VLDLR: variants seen among roughly 807,000 people sequenced by gnomAD.
VLDLR encodes the protein very low-density lipoprotein receptor.
VLDLR carries 81 observed loss-of-function variants against 112.7 expected under a neutral mutation model. The ratio of observed to expected loss-of-function variants is 0.72; its 90% CI spans 0.60 to 0.86. The LOEUF is 0.86. VLDLR is among the 40% of genes least tolerant of loss of function. The pLI is 0.00. For missense variants in VLDLR, 1,237 were observed against 1,099.4 expected, an observed-to-expected ratio of 1.13 and a Z score of -1.77; for synonymous variants, 436 against 384.8, an observed-to-expected ratio of 1.13 and a Z score of -1.56.
At chr9:2,624,044 C>T (rs879735345) in intron 1 of VLDLR, among the ~76,000 whole-genome samples, 1 of 152,116 alleles carries the variant, frequency 6.6e-6, no homozygotes, top group Non-Finnish European at 1.5e-5. Flanking sequence ...TTCGTTTTTG[C>T]TGCATGTCCC....
At chr9:2,646,922 A>AAATTGTGAGGATTTGGGT (rs1182331075) in intron 11 of VLDLR, among the ~76,000 whole-genome samples, 20 of 152,210 alleles carry the variant, frequency 1.3e-4, no homozygotes, top group Admixed American at 5.9e-4. Context: ...GATCAAACCT[A>AAATTGTGAGGATTTGGGT]AACGACAGCC....
intron 2 of VLDLR, among the ~76,000 whole-genome samples, chr9:2,637,622 C>T (rs879404483): frequency 1.2e-4 from 17 of 143,016 alleles, no homozygotes; most frequent in Non-Finnish European, 6.2e-5. Context: ...CAATCTTTCA[C>T]ATCCTCCTTA....
At chr9:2,627,312 A>T (rs1455782982) in intron 1 of VLDLR, among the ~76,000 whole-genome samples, 2 of 152,380 alleles carry the variant, frequency 1.3e-5, no homozygotes, top group East Asian at 1.9e-4. Context: ...AAATAATTCT[A>T]TGTCTGCAGA....
At chr9:2,647,655 C>G in intron 12 of VLDLR, 63 bp downstream of exon 12, 3 of 1,423,926 alleles carry the variant, frequency 2.1e-6, no homozygotes, top group Non-Finnish European at 3.0e-6. Flanking sequence ...CCATTTATCT[C>G]CATGGTGAAT....
At chr9:2,644,539 AC>A in intron 7 of VLDLR, among the ~76,000 whole-genome samples, 194 bp from the exon 8 acceptor site, 1 of 151,996 alleles carries the variant, frequency 6.6e-6, no homozygotes, top group South Asian at 2.1e-4. Context: ...TAAATGCTTG[AC>A]CAGCTGGTAA....
Position 2,645,641 on chromosome 9 carries a change from A to C in VLDLR, c.1380A>C (p.Glu460Asp), listed in dbSNP as rs772954473. 1.9e-6 allele frequency: 3 copies of C among 1,614,094 alleles called. No individual in the cohort carries two copies. The highest frequency in any genetic ancestry group is 3.3e-5 in the Admixed American group (2 of 60,010). ...GGAAGATTGGCTTAGAGAGGAAAGA[A>C]TATATCCAACTAGTTGAACAGCTAA... ...DIRKIGLERKEYIQLVEQLRN... is the reference protein window; with the variant it reads ...DIRKIGLERKDYIQLVEQLRN... The change falls in exon 10 of 19, where the codon GAA (glutamate) becomes GAC (aspartate). Residue 460 changes from glutamate to aspartate, a missense_variant. Glu to Asp is a conservative substitution (Grantham distance 45). Coordinates refer to ENST00000382100, the MANE Select transcript of VLDLR (RefSeq NM_003383.5).
intron 15 of VLDLR, 87 bp from the exon 16 acceptor site, chr9:2,651,328 A>G (rs1818319402): frequency 2.5e-6 from 3 of 1,178,002 alleles, no homozygotes; most frequent in East Asian, 5.0e-5. Context: ...TGGTTTTAAA[A>G]TAACCTTTTA....
chr9:2,627,552 A>G (rs1817150071), intron 1 of VLDLR, among the ~76,000 whole-genome samples: 1 of 152,054 alleles, frequency 6.6e-6, no homozygotes, highest in Non-Finnish European at 1.5e-5. Flanking sequence ...GTGAAAATGC[A>G]CTGTTTTTAA....
chr9:2,629,041 A>C (rs1001475018), intron 1 of VLDLR, among the ~76,000 whole-genome samples: 2 of 152,230 alleles, frequency 1.3e-5, no homozygotes, highest in African/African-American at 4.8e-5. Flanking sequence ...GTGTGGACCG[A>C]AATTGGCAAC....
intron 1 of VLDLR, among the ~76,000 whole-genome samples, chr9:2,633,712 A>G (rs1199570458): frequency 6.6e-6 from 1 of 152,138 alleles, no homozygotes; most frequent in Non-Finnish European, 1.5e-5. Context: ...CAGACTACAA[A>G]TCATTCTTTT....
intron 1 of VLDLR, among the ~76,000 whole-genome samples, chr9:2,630,247 A>C (rs906770753): frequency 2.6e-5 from 4 of 152,152 alleles, no homozygotes; most frequent in African/African-American, 7.2e-5. Flanking sequence ...GCTGACTCAG[A>C]AATTTGCTTG....
At chr9:2,624,614 T>G (rs1357228838) in intron 1 of VLDLR, among the ~76,000 whole-genome samples, 1 of 152,244 alleles carries the variant, frequency 6.6e-6, no homozygotes, top group East Asian at 1.9e-4. Flanking sequence ...GCTATTCATA[T>G]ATGGCTAGCA....
chr9:2,645,343 AAGTG>A (rs1818021763), intron 9 of VLDLR, among the ~76,000 whole-genome samples: 2 of 152,206 alleles, frequency 1.3e-5, no homozygotes, highest in Non-Finnish European at 2.9e-5. Context: ...CAACTCAAAC[AAGTG>A]ACTTATTCAT....
intron 2 of VLDLR, among the ~76,000 whole-genome samples, chr9:2,639,207 C>G (rs952582650): frequency 2.0e-5 from 3 of 152,192 alleles, no homozygotes; most frequent in African/African-American, 7.2e-5. Context: ...GATCTGATAT[C>G]AGGTGAGGGC....
rs1189591605 is a variant in VLDLR at position 2,655,784 on chromosome 9, C to CTTTT, written c.*1917_*1920dup. Reference sequence around the variant, plus strand: ...GAATATAGAACTGTCTGCTCTCCACCTTTTCCTCACTCTACATTTAGTCAT... The same window carrying CTTTT: ...GAATATAGAACTGTCTGCTCTCCACCTTTTTTTTCCTCACTCTACATTTAGTCAT... On this transcript the variant is annotated 3_prime_UTR_variant, in exon 19 of 19. Coordinates refer to ENST00000382100, the MANE Select transcript of VLDLR (RefSeq NM_003383.5). The CTTTT allele has an allele frequency of 6.6e-6, 1 of 152,050 alleles. No homozygotes were observed. The highest frequency in any genetic ancestry group is 2.4e-5 in the African/African-American group (1 of 41,398). The allele number at this position is 152,050 out of a possible 1,614,324, so 9.4% of individuals were successfully genotyped here.
Position 2,652,838 on chromosome 9 carries a change from G to A in VLDLR, c.2475G>A (p.Lys825=), listed in dbSNP as rs1563768738. The A allele has an allele frequency of 1.9e-6, 3 of 1,614,100 alleles. No homozygotes were observed. Among genetic ancestry groups the A allele is most frequent in the Non-Finnish European group, 8.5e-7 (1 of 1,180,006 alleles). The change falls in exon 18 of 19, where the codon AAG becomes AAA. Residue 825 remains lysine, a synonymous_variant. Transcript: ENST00000382100. Reference sequence around the variant, plus strand: ...TGATGTGGCGGAATTGGCAACACAAGAACATGAAAAGCATGAACTTTGACA... The same window carrying A: ...TGATGTGGCGGAATTGGCAACACAAAAACATGAAAAGCATGAACTTTGACA... ...GYLMWRNWQH[K]NMKSMNFDNP...
chr9:2,633,047 AGAGAGTGTGTGTGTGTGTGTGTGT>A (rs1421471653), intron 1 of VLDLR, among the ~76,000 whole-genome samples: 1 of 95,414 alleles, frequency 1.0e-5, no homozygotes, highest in African/African-American at 3.8e-5. Context: ...AGAGAGAGAG[AGAGAGTGTGTGTGTGTGTGTGTGT>A]GTGTGTGTGT....
chr9:2,649,208 GTC>G (rs749650727), intron 14 of VLDLR, among the ~76,000 whole-genome samples: 10 of 152,116 alleles, frequency 6.6e-5, no homozygotes, highest in Non-Finnish European at 1.3e-4. Context: ...GAAATTTATT[GTC>G]TCAAAACTCT....
chr9:2,631,046 AAC>A (rs1429303450), intron 1 of VLDLR, among the ~76,000 whole-genome samples: 1 of 152,214 alleles, frequency 6.6e-6, no homozygotes, highest in African/African-American at 2.4e-5. Flanking sequence ...AAAAATAACC[AAC>A]AGATACATGA....
Sources: allele counts gnomAD v4.1 joint callset (sites outside exome capture counted in the v4.1 genomes callset), GRCh38; gene constraint gnomAD v4.1.1; transcripts MANE v1.5; gene names NCBI Gene and HGNC (gene_info 2026-07-23, HGNC 2026-07-21).